Variants in PKIB observed in about 807,000 individuals in gnomAD.
The protein encoded by PKIB is PKI-beta.
A neutral mutation model predicts 4.5 loss-of-function variants in PKIB; 2 were observed. The ratio of observed to expected loss-of-function variants is 0.44; its 90% confidence interval spans 0.18 to 1.39. The LOEUF (loss-of-function observed/expected upper bound fraction) is 1.39. Ranked by LOEUF, PKIB falls within the 40% of genes most tolerant of loss-of-function variation. PKIB has a pLI of 0.27. For missense variants in PKIB, 94 were observed against 92.6 expected, an observed-to-expected ratio of 1.02 and a Z score of -0.06; for synonymous variants, 38 against 36.0, an observed-to-expected ratio of 1.06 and a Z score of -0.20.
intron 2 of PKIB, among the ~76,000 whole-genome samples, chr6:122,673,556 G>C (rs913180136): frequency 6.6e-6 from 1 of 152,320 alleles, no homozygotes; most frequent in Middle Eastern, 3.4e-3. Context: ...CAAAGAGTGA[G>C]AGGAAGAGCA....
chr6:122,555,136 G>A (rs1254474668), intron 2 of PKIB, among the ~76,000 whole-genome samples: 2 of 152,164 alleles, frequency 1.3e-5, no homozygotes, highest in African/African-American at 4.8e-5. Context: ...TATGTGCTGG[G>A]GGTAACCTAG....
chr6:122,566,742 C>G (rs1176674491), intron 2 of PKIB, among the ~76,000 whole-genome samples: 1 of 151,930 alleles, frequency 6.6e-6, no homozygotes, highest in Admixed American at 6.6e-5. Flanking sequence ...ACTTTAATAG[C>G]AAAACTTCAT....
chr6:122,536,662 T>A (rs997846651), intron 2 of PKIB, among the ~76,000 whole-genome samples: 1 of 152,090 alleles, frequency 6.6e-6, no homozygotes, highest in African/African-American at 2.4e-5. Context: ...AAGAATAGAT[T>A]TTATTTATGA....
At chr6:122,564,704 T>G (rs1056050351) in intron 2 of PKIB, among the ~76,000 whole-genome samples, 1 of 152,186 alleles carries the variant, frequency 6.6e-6, no homozygotes, top group Non-Finnish European at 1.5e-5. Flanking sequence ...GAGGATTTTA[T>G]TTAACAGTTT....
intron 3 of PKIB, among the ~76,000 whole-genome samples, chr6:122,587,404 A>G (rs1412712917): frequency 6.6e-6 from 1 of 151,956 alleles, no homozygotes; most frequent in Non-Finnish European, 1.5e-5. Flanking sequence ...TATGTGCCAC[A>G]TTTTCTTAAT....
At chr6:122,615,591 A>G (rs1486578029) in intron 1 of PKIB, among the ~76,000 whole-genome samples, 1 of 152,208 alleles carries the variant, frequency 6.6e-6, no homozygotes, top group African/African-American at 2.4e-5. Flanking sequence ...CTAGAATCTC[A>G]GGATATGACC....
chr6:122,702,626 G>A (rs1778871712), intron 3 of PKIB, among the ~76,000 whole-genome samples: 1 of 151,844 alleles, frequency 6.6e-6, no homozygotes, highest in Non-Finnish European at 1.5e-5. Flanking sequence ...AGCCTTAAGG[G>A]AAATGTTTTT....
intron 2 of PKIB, among the ~76,000 whole-genome samples, chr6:122,655,787 A>G (rs1776755696): frequency 1.3e-5 from 2 of 152,220 alleles, no homozygotes; most frequent in Non-Finnish European, 2.9e-5. Context: ...AAAATTGGAT[A>G]GCCTTTATAA....
At position 122,553,481 on chromosome 6, in the gene PKIB, C is replaced by CTTT. The variant is rs533553939; in HGVS notation, c.-247-32420_-247-32418dup. On this transcript the variant is annotated intron_variant, in intron 2 of 6. Coordinates refer to the PKIB transcript ENST00000392491. Reference sequence around the variant, plus strand: ...TCTCTCAAGATTGCTCAAATATCTTCTTTTTTTTTTTTTTTTTTTTTTCTG... The same window carrying CTTT: ...TCTCTCAAGATTGCTCAAATATCTTCTTTTTTTTTTTTTTTTTTTTTTTTTCTG... Among the ~76,000 whole-genome samples, 129 of 65,724 alleles carry CTTT rather than the reference C, an allele frequency of 2.0e-3. 10 individuals carry two copies. The highest frequency in any genetic ancestry group is 7.1e-3 in the East Asian group (13 of 1,826). The allele number at this position is 65,724 out of a possible 152,430, so 43.1% of individuals were successfully genotyped here.
chr6:122,607,227 A>G (rs1215251732), upstream of PKIB, among the ~76,000 whole-genome samples: 1 of 151,926 alleles, frequency 6.6e-6, no homozygotes, highest in Non-Finnish European at 1.5e-5. Context: ...AAATCCAAAC[A>G]CTGTGGAAGG....
chr6:122,646,064 C>T (rs571655324), intron 2 of PKIB, among the ~76,000 whole-genome samples: 5 of 151,892 alleles, frequency 3.3e-5, no homozygotes, highest in South Asian at 2.1e-4. Context: ...AAGTGAAGCA[C>T]GCAATATGGA....
At chr6:122,626,430 C>T (rs568480271) in intron 1 of PKIB, among the ~76,000 whole-genome samples, 16 of 152,276 alleles carry the variant, frequency 1.1e-4, no homozygotes, top group African/African-American at 3.1e-4. Context: ...GATGTTCACA[C>T]GCTCTGGGGA....
chr6:122,500,926 C>G (rs1562230471), intron 2 of PKIB, among the ~76,000 whole-genome samples: 1 of 152,116 alleles, frequency 6.6e-6, no homozygotes, highest in Admixed American at 6.5e-5. Context: ...TACTTTTAAA[C>G]AACCAGATTT....
rs146518700 is a variant in PKIB at position 122,554,072 on chromosome 6, G to C, written c.-247-31849G>C. On this transcript the variant is annotated intron_variant, in intron 2 of 6. Transcript: ENST00000392491. ...AATTTATAGTTCGCAAAAGCAATCA[G>C]AAATCAGCATTTCTTAGATTCCTTA... is the stretch of plus-strand genomic sequence containing the variant. Among the ~76,000 whole-genome samples the C allele has an allele frequency of 2.3e-3, 348 of 152,300 alleles. 1 individual carries two copies. Among genetic ancestry groups the C allele is most frequent in the African/African-American group, 7.9e-3 (330 of 41,560 alleles).
intron 3 of PKIB, among the ~76,000 whole-genome samples, chr6:122,680,866 T>C (rs2566812): frequency 0.99 from 150,245 of 152,296 alleles, 74,135 homozygotes; most frequent in Middle Eastern, 1. Context: ...GTCATACTAT[T>C]ACTTAAAATC....
In PKIB at chr6:122,725,263, A is replaced by G; in HGVS notation, c.*68A>G. ...AAGACTTAGTGGTTCTGTTTTCTTG[A>G]GACATTTAATCTGGTGGTAACTGTG... On this transcript the variant is annotated 3_prime_UTR_variant, in exon 5 of 5. Coordinates refer to ENST00000368452, the MANE Select transcript of PKIB (RefSeq NM_181795.3). The G allele has an allele frequency of 7.6e-7, 1 of 1,320,958 alleles. No individual in the cohort carries two copies. The allele number at this position is 1,320,958 out of a possible 1,614,324, so 81.8% of individuals were successfully genotyped here.
chr6:122,517,929 A>G (rs945036912), intron 2 of PKIB, among the ~76,000 whole-genome samples: 7 of 152,362 alleles, frequency 4.6e-5, no homozygotes, highest in Non-Finnish European at 7.3e-5. Flanking sequence ...CTGTTTATAA[A>G]TAACTCCAAA....
chr6:122,691,473 ACT>A (rs1020918330), intron 3 of PKIB, among the ~76,000 whole-genome samples: 5 of 151,552 alleles, frequency 3.3e-5, no homozygotes, highest in African/African-American at 9.7e-5. Flanking sequence ...CTATTAAGAG[ACT>A]CTGATGCCTT....
intron 2 of PKIB, among the ~76,000 whole-genome samples, chr6:122,484,441 T>C (rs191553768): frequency 1.1e-4 from 17 of 152,266 alleles, no homozygotes; most frequent in Admixed American, 7.8e-4. Context: ...ACAAGGACAA[T>C]TGCAAGGAAT....
Sources: allele counts gnomAD v4.1 joint callset (sites outside exome capture counted in the v4.1 genomes callset), GRCh38; gene constraint gnomAD v4.1.1; transcripts MANE v1.5; gene names NCBI Gene and HGNC (gene_info 2026-07-23, HGNC 2026-07-21).